The following MRPL48 variants were observed in gnomAD, a reference collection of about 807,000 sequenced individuals.
MRPL48 encodes the protein mitochondrial ribosomal protein L48.
A neutral mutation model predicts 32.9 loss-of-function variants in MRPL48; 16 were observed. The ratio of observed to expected loss-of-function variants is 0.49; its 90% CI spans 0.33 to 0.74. The LOEUF (loss-of-function observed/expected upper bound fraction) is 0.74, where lower values mean the gene tolerates loss of function less well. Among genes scored for constraint, MRPL48 ranks in the 30% least tolerant of loss-of-function variants. The pLI, the probability that MRPL48 is intolerant of heterozygous loss-of-function variation, is 0.02. For synonymous variants in MRPL48, 94 were observed against 89.2 expected, an observed-to-expected ratio of 1.05 and a Z score of -0.31; for missense variants, 206 against 245.3, an observed-to-expected ratio of 0.84 and a Z score of 1.07.
chr11:73,808,755 C>T (rs1947508070), intron 3 of MRPL48, among the ~76,000 whole-genome samples: 1 of 152,058 alleles, frequency 6.6e-6, no homozygotes, highest in Admixed American at 6.6e-5. Flanking sequence ...AACCCTGTCT[C>T]TACTAAAAAT....
At chr11:73,794,635 G>T (rs911814558) in intron 1 of MRPL48, among the ~76,000 whole-genome samples, 1 of 152,120 alleles carries the variant, frequency 6.6e-6, no homozygotes, top group African/African-American at 2.4e-5. Context: ...TGTAAAATTG[G>T]GTTAAGTTGT....
intron 4 of MRPL48, among the ~76,000 whole-genome samples, chr11:73,830,732 T>C (rs573884579): frequency 1.3e-5 from 2 of 152,302 alleles, no homozygotes; most frequent in South Asian, 4.1e-4. Flanking sequence ...TATAATCCCT[T>C]CATTCCTCCT....
At chr11:73,820,518 C>A (rs949908322) in intron 3 of MRPL48, among the ~76,000 whole-genome samples, 7 of 152,164 alleles carry the variant, frequency 4.6e-5, no homozygotes, top group Non-Finnish European at 5.9e-5. Context: ...GCCACTTGCC[C>A]AGCCCACTCT....
chr11:73,842,824 T>G (rs1351197674), intron 4 of MRPL48: 1 of 152,354 alleles, frequency 6.6e-6, no homozygotes, highest in Non-Finnish European at 1.5e-5. Flanking sequence ...CCTCCTTTTC[T>G]GTTTTGAAAC....
intron 4 of MRPL48, among the ~76,000 whole-genome samples, chr11:73,833,750 C>G (rs754606070): frequency 6.6e-6 from 1 of 152,158 alleles, no homozygotes; most frequent in Admixed American, 6.5e-5. Context: ...TCATAGCACA[C>G]TGTACCCTCA....
At chr11:73,835,601 TA>T (rs10589092) in intron 4 of MRPL48, among the ~76,000 whole-genome samples, 1 of 152,138 alleles carries the variant, frequency 6.6e-6, no homozygotes, top group Non-Finnish European at 1.5e-5. Flanking sequence ...CAACCTCTTT[TA>T]AAAATGCCAT....
intron 4 of MRPL48, among the ~76,000 whole-genome samples, chr11:73,826,774 C>CTTTTTT (rs71065041): frequency 2.8e-4 from 31 of 108,936 alleles, no homozygotes; most frequent in Middle Eastern, 7.6e-3. Context: ...ACTGTATTTT[C>CTTTTTT]TTTTTTTTTT....
chr11:73,813,796 CT>C (rs1337411647), intron 3 of MRPL48, among the ~76,000 whole-genome samples: 1 of 151,978 alleles, frequency 6.6e-6, no homozygotes. Flanking sequence ...AATCCCAGCA[CT>C]TTGGGAGGCC....
At chr11:73,860,083 AT>A in intron 6 of MRPL48, 74 bp downstream of exon 6, 2 of 1,246,020 alleles carry the variant, frequency 1.6e-6, no homozygotes, top group Non-Finnish European at 1.1e-6. Context: ...TTCACTTTCT[AT>A]TATGCTCTTT....
intron 5 of MRPL48, among the ~76,000 whole-genome samples, chr11:73,846,582 ACTCCTGAC>A (rs1948292477): frequency 6.6e-6 from 1 of 151,286 alleles, no homozygotes; most frequent in Non-Finnish European, 1.5e-5. Context: ...CTGGTCTCGA[ACTCCTGAC>A]CTCAAGTGAT....
chr11:73,808,214 C>T (rs573840565), intron 2 of MRPL48, 99 bp from the exon 3 acceptor site: 2 of 1,173,544 alleles, frequency 1.7e-6, no homozygotes, highest in East Asian at 5.1e-5. Flanking sequence ...AAGGAAACAG[C>T]ATTGATGCAT....
At chr11:73,796,420 G>C (rs71479550) in intron 1 of MRPL48, among the ~76,000 whole-genome samples, 1 of 152,186 alleles carries the variant, frequency 6.6e-6, no homozygotes, top group Non-Finnish European at 1.5e-5. Context: ...ACACACATTC[G>C]GGGCAGTGCT....
intron 4 of MRPL48, among the ~76,000 whole-genome samples, chr11:73,839,896 G>A (rs1041270450): frequency 2.6e-5 from 4 of 152,098 alleles, no homozygotes; most frequent in African/African-American, 9.7e-5. Context: ...TCAGGAGTTT[G>A]AGACCTGCCT....
intron 3 of MRPL48, chr11:73,823,006 C>A (rs1418878947): frequency 8.8e-6 from 4 of 452,648 alleles, no homozygotes; most frequent in South Asian, 4.7e-5. Flanking sequence ...TCTCCCATCA[C>A]CCCCAGATGG....
At chr11:73,804,466 A>G (rs1396111079) in intron 1 of MRPL48, among the ~76,000 whole-genome samples, 1 of 149,456 alleles carries the variant, frequency 6.7e-6, no homozygotes, top group African/African-American at 2.5e-5. Flanking sequence ...TAGTAGAGAC[A>G]ATACCATGTT....
chr11:73,809,503 C>CAA (rs11317887), intron 3 of MRPL48, among the ~76,000 whole-genome samples: 16 of 102,960 alleles, frequency 1.6e-4, no homozygotes, highest in African/African-American at 4.4e-4. Context: ...GACTCCGTCT[C>CAA]AAAAAAAAAA....
Position 73,864,279 on chromosome 11 carries a change from C to T in MRPL48, c.565-17C>T. 1 of 1,611,150 alleles carries T rather than the reference C, an allele frequency of 6.2e-7. No homozygotes were observed. Among genetic ancestry groups the T allele is most frequent in the Non-Finnish European group, 8.5e-7 (1 of 1,178,652 alleles). On this transcript the variant is annotated splice_polypyrimidine_tract_variant and intron_variant, in intron 7 of 7. Transcript: ENST00000310614. Reference sequence around the variant, plus strand: ...CTCTGCAGTAATTACCGCTTATTTTCTTTTTCTTCTCCTTAGCACACTGAA... The same window carrying T: ...CTCTGCAGTAATTACCGCTTATTTTTTTTTTCTTCTCCTTAGCACACTGAA...
chr11:73,797,122 G>A (rs902543352), intron 1 of MRPL48, among the ~76,000 whole-genome samples: 18 of 152,100 alleles, frequency 1.2e-4, no homozygotes, highest in African/African-American at 3.9e-4. Flanking sequence ...CGGGACAACC[G>A]GCTGCAGAGA....
At chr11:73,852,079 T>C (rs1948402327) in intron 5 of MRPL48, among the ~76,000 whole-genome samples, 1 of 152,194 alleles carries the variant, frequency 6.6e-6, no homozygotes, top group South Asian at 2.1e-4. Flanking sequence ...CAAAGTACCA[T>C]TCCGAGAAGA....
Sources: gnomAD v4.1 joint callset for allele counts (sites outside exome capture counted in the v4.1 genomes callset) on GRCh38, gnomAD v4.1.1 for gene constraint, MANE v1.5 for transcripts, NCBI Gene and HGNC (gene_info 2026-07-23, HGNC 2026-07-21) for gene names.